Variants in STX18 observed in about 807,000 individuals in gnomAD.
The protein encoded by STX18 is syntaxin 18, also known as syntaxin-18.
Under a neutral mutation model 50.1 loss-of-function variants are expected in STX18, and 40 were observed. That is an observed-to-expected ratio of 0.80 (90% CI 0.62 to 1.04). STX18 has a LOEUF of 1.04. Ranked by LOEUF, STX18 falls within the 50% of genes least tolerant of loss-of-function variation. The probability of loss-of-function intolerance (pLI) is 0.00; values close to 1 mark genes in which losing one functional copy is unlikely to be tolerated. For synonymous variants in STX18, 158 were observed against 151.8 expected (o/e 1.04, Z -0.30); for missense variants, 410 against 415.8 (o/e 0.99, Z 0.12).
chr4:4,478,142 G>A (rs750641396), intron 1 of STX18: 3 of 151,476 alleles, frequency 2.0e-5, no homozygotes, highest in African/African-American at 4.9e-5. Context: ...GAAAGAAACT[G>A]AGCTTCATGA....
At chr4:4,457,328 T>C in intron 4 of STX18, 71 bp from the exon 5 acceptor site, 1 of 1,567,220 alleles carries the variant, frequency 6.4e-7, no homozygotes, top group Non-Finnish European at 8.8e-7. Flanking sequence ...TCATTAAATA[T>C]AATGAGATAC....
chr4:4,468,694 CT>C (rs2108831864), intron 2 of STX18, among the ~76,000 whole-genome samples: 1 of 152,234 alleles, frequency 6.6e-6, no homozygotes, highest in South Asian at 2.1e-4. Flanking sequence ...TGAAAAACCA[CT>C]TTGGAAAATT....
At chr4:4,474,632 C>T (rs983852508) in intron 1 of STX18, among the ~76,000 whole-genome samples, 2 of 151,980 alleles carry the variant, frequency 1.3e-5, no homozygotes, top group Non-Finnish European at 2.9e-5. Flanking sequence ...TCACAAGGGT[C>T]GGTAAATGTG....
chr4:4,539,731 C>A (rs1340553916), intron 1 of STX18, among the ~76,000 whole-genome samples: 4 of 152,170 alleles, frequency 2.6e-5, no homozygotes, highest in Non-Finnish European at 5.9e-5. Flanking sequence ...TCTGTTTAAT[C>A]ACTTCCAGTG....
At chr4:4,485,987 G>C (rs1728683622) in intron 1 of STX18, among the ~76,000 whole-genome samples, 1 of 152,168 alleles carries the variant, frequency 6.6e-6, no homozygotes, top group African/African-American at 2.4e-5. Context: ...ACGAGTGGTG[G>C]ATGGTCAGCA....
intron 5 of STX18, among the ~76,000 whole-genome samples, chr4:4,447,578 G>C (rs1003107950): frequency 7.5e-5 from 8 of 106,576 alleles, no homozygotes; most frequent in African/African-American, 2.7e-4. Context: ...GCGACAGAGC[G>C]AGACTCCGTC....
chr4:4,530,562 T>C (rs977352847), intron 1 of STX18, among the ~76,000 whole-genome samples: 1 of 152,106 alleles, frequency 6.6e-6, no homozygotes, highest in Non-Finnish European at 1.5e-5. Flanking sequence ...AGGCTGCTGC[T>C]GTTCTGTGAA....
chr4:4,422,298 G>A (rs1003211579), intron 9 of STX18, among the ~76,000 whole-genome samples: 5 of 152,142 alleles, frequency 3.3e-5, no homozygotes, highest in African/African-American at 4.8e-5. Context: ...CGGGCGCAGT[G>A]GCTCTCGTCT....
At chr4:4,528,325 A>G (rs1730902043) in intron 1 of STX18, among the ~76,000 whole-genome samples, 1 of 152,116 alleles carries the variant, frequency 6.6e-6, no homozygotes, top group African/African-American at 2.4e-5. Flanking sequence ...ATGAGGGTTG[A>G]TCCCTCATGA....
chr4:4,465,739 A>G (rs1265468514), intron 2 of STX18, among the ~76,000 whole-genome samples: 2 of 152,242 alleles, frequency 1.3e-5, no homozygotes, highest in Non-Finnish European at 2.9e-5. Context: ...ACAAACCTGC[A>G]CATCCTACAC....
At chr4:4,441,585 C>A (rs752615627) in intron 5 of STX18, among the ~76,000 whole-genome samples, 4 of 151,930 alleles carry the variant, frequency 2.6e-5, no homozygotes, top group Non-Finnish European at 4.4e-5. Context: ...AAAGCCCATA[C>A]GTAAAAAACC....
At chr4:4,431,529 C>T (rs1725517298) in intron 7 of STX18, among the ~76,000 whole-genome samples, 1 of 152,152 alleles carries the variant, frequency 6.6e-6, no homozygotes, top group African/African-American at 2.4e-5. Context: ...TCTCGCTGTT[C>T]ATCATGTTTC....
chr4:4,476,471 G>T (rs902587212), intron 1 of STX18, among the ~76,000 whole-genome samples: 1 of 152,116 alleles, frequency 6.6e-6, no homozygotes, highest in East Asian at 1.9e-4. Context: ...ACCATTACGG[G>T]GAACTAGCAT....
At chr4:4,451,401 T>C (rs574629985) in intron 5 of STX18, among the ~76,000 whole-genome samples, 114 of 152,370 alleles carry the variant, frequency 7.5e-4, no homozygotes, top group African/African-American at 2.6e-3. Flanking sequence ...GCGTGGCTCT[T>C]ATACAGCCGT....
intron 1 of STX18, among the ~76,000 whole-genome samples, chr4:4,529,316 C>T (rs546024950): frequency 1.5e-3 from 233 of 152,210 alleles, no homozygotes; most frequent in South Asian, 8.9e-3. Context: ...GAATCAAGAT[C>T]GCGCCACTGC....
chr4:4,529,292 G>A (rs896084791), intron 1 of STX18, among the ~76,000 whole-genome samples: 1 of 152,216 alleles, frequency 6.6e-6, no homozygotes, highest in Non-Finnish European at 1.5e-5. Context: ...AACCAGGGAG[G>A]CGGAGCTTGC....
intron 7 of STX18, among the ~76,000 whole-genome samples, chr4:4,427,553 T>A (rs1211909193): frequency 6.6e-6 from 1 of 152,250 alleles, no homozygotes. Flanking sequence ...TTTTCTTGAA[T>A]TTTTCTAATG....
chr4:4,427,458 G>A (rs1217106445), intron 7 of STX18, among the ~76,000 whole-genome samples: 1 of 152,204 alleles, frequency 6.6e-6, no homozygotes, highest in African/African-American at 2.4e-5. Context: ...CAGTATTTAA[G>A]GAAAACATGT....
intron 7 of STX18, among the ~76,000 whole-genome samples, chr4:4,432,553 T>C (rs1577316473): frequency 6.6e-6 from 1 of 152,220 alleles, no homozygotes; most frequent in East Asian, 1.9e-4. Context: ...ATGCACCTCA[T>C]GGGCCAGCTC....
Sources: gnomAD v4.1 joint callset for allele counts (sites outside exome capture counted in the v4.1 genomes callset) on GRCh38, gnomAD v4.1.1 for gene constraint, MANE v1.5 for transcripts, NCBI Gene and HGNC (gene_info 2026-07-23, HGNC 2026-07-21) for gene names.